PTPRG: variants seen among roughly 807,000 people sequenced by gnomAD.
PTPRG encodes protein tyrosine phosphatase receptor type G.
In PTPRG, 102 loss-of-function variants were observed where a neutral mutation model predicts 165.3. The observed-to-expected ratio is 0.62, with a 90% CI of 0.53 to 0.73. The LOEUF (loss-of-function observed/expected upper bound fraction) is 0.73. PTPRG is among the 30% of genes least tolerant of loss of function. The probability of loss-of-function intolerance (pLI) is 0.00; values close to 1 mark genes in which losing one functional copy is unlikely to be tolerated. For missense variants in PTPRG, 1,866 were observed against 1,861.4 expected (o/e 1.00, Z -0.05); for synonymous variants, 675 against 669.5 (o/e 1.01, Z -0.13).
chr3:62,076,398 A>T lies in PTPRG; in HGVS notation c.520-1765A>T, dbSNP rs1236055004. On this transcript the variant is annotated intron_variant, in intron 4 of 29. Transcript: ENST00000474889. The stretch of plus-strand genomic sequence containing the variant: ...CACTACGTTAACTTATTTGAGCCTC[A>T]CAATTAGCCCAGTAAGTGGAAATAC... Among the ~76,000 whole-genome samples, 3 of 152,208 alleles carry T rather than the reference A, an allele frequency of 2.0e-5. No homozygotes were observed. The East Asian group carries it at 5.8e-4, about 29-fold the overall frequency.
intron 4 of PTPRG, among the ~76,000 whole-genome samples, chr3:62,069,075 T>C (rs888835741): frequency 8.5e-5 from 13 of 152,230 alleles, no homozygotes; most frequent in African/African-American, 3.1e-4. Context: ...TCTTGGGATG[T>C]TGGCTAGCCT....
chr3:61,820,784 C>A (rs2035931411), intron 2 of PTPRG, among the ~76,000 whole-genome samples: 1 of 151,774 alleles, frequency 6.6e-6, no homozygotes, highest in Admixed American at 6.6e-5. Flanking sequence ...TTCAGGGGTT[C>A]CTGTTTTGCA....
intron 3 of PTPRG, among the ~76,000 whole-genome samples, chr3:61,993,608 G>T (rs2040951030): frequency 2.0e-5 from 3 of 152,134 alleles, no homozygotes. Flanking sequence ...AACTGCATGT[G>T]AATCTGCTAT....
intron 1 of PTPRG, chr3:61,742,581 G>A (rs537538996): frequency 3.8e-6 from 6 of 1,592,686 alleles, no homozygotes; most frequent in African/African-American, 2.7e-5. Context: ...CAAGCTCATC[G>A]GCTGTCATCT....
chr3:61,663,179 T>G (rs1238629188), intron 1 of PTPRG, among the ~76,000 whole-genome samples: 1 of 151,896 alleles, frequency 6.6e-6, no homozygotes, highest in Non-Finnish European at 1.5e-5. Context: ...AAAATAAAAT[T>G]AAAAATAAAA....
chr3:62,084,204 G>T (rs991876760), intron 5 of PTPRG, among the ~76,000 whole-genome samples: 3 of 152,124 alleles, frequency 2.0e-5, no homozygotes, highest in Admixed American at 1.3e-4. Context: ...TAGTCAATAG[G>T]TATATTTCTG....
At chr3:62,256,052 T>C (rs1701528471) in intron 16 of PTPRG, among the ~76,000 whole-genome samples, 1 of 152,200 alleles carries the variant, frequency 6.6e-6, no homozygotes, top group Non-Finnish European at 1.5e-5. Flanking sequence ...CAAGTTTTCA[T>C]GGCAGCTCAG....
At chr3:61,998,476 A>T (rs938193274) in intron 3 of PTPRG, among the ~76,000 whole-genome samples, 1 of 152,210 alleles carries the variant, frequency 6.6e-6, no homozygotes, top group Non-Finnish European at 1.5e-5. Flanking sequence ...ATCTTATTCC[A>T]ATTTTACAGA....
intron 5 of PTPRG, among the ~76,000 whole-genome samples, chr3:62,081,050 G>T (rs1701554556): frequency 6.6e-6 from 1 of 151,910 alleles, no homozygotes; most frequent in African/African-American, 2.4e-5. Context: ...TAGTTCAGGA[G>T]ATCGAGACCA....
At chr3:61,887,170 A>ATATATATTTTTTTT (rs60282456) in intron 2 of PTPRG, among the ~76,000 whole-genome samples, 6 of 115,524 alleles carry the variant, frequency 5.2e-5, no homozygotes, top group African/African-American at 2.0e-4. Flanking sequence ...ATATATATAT[A>ATATATATTTTTTTT]TTTTTAATGC....
rs151010909 is a variant in PTPRG at position 62,072,496 on chromosome 3, G to A, written c.520-5667G>A. 5.9e-4 allele frequency among the ~76,000 whole-genome samples: 90 copies of A among 152,204 alleles called. 1 individual carries two copies. The highest frequency in any genetic ancestry group is 1.8e-3 in the African/African-American group (76 of 41,534). ...ATTTGGGCTAATGACTCTCACTTAC[G>A]ACTTTGAAAAATTTGGCAGAACTGG... On this transcript the variant is annotated intron_variant, in intron 4 of 29. Transcript: ENST00000474889.
chr3:61,924,718 C>A (rs2039163620), intron 2 of PTPRG, among the ~76,000 whole-genome samples: 1 of 152,150 alleles, frequency 6.6e-6, no homozygotes, highest in Non-Finnish European at 1.5e-5. Context: ...CTGAAAAGGG[C>A]CAGATAGCAA....
At chr3:62,146,630 T>TAAAA (rs879570594) in intron 6 of PTPRG, among the ~76,000 whole-genome samples, 22 of 134,922 alleles carry the variant, frequency 1.6e-4, no homozygotes, top group African/African-American at 5.2e-4. Context: ...CCTGTTGCTT[T>TAAAA]TAAAAAAAAA....
intron 3 of PTPRG, among the ~76,000 whole-genome samples, chr3:62,000,268 G>A (rs947654237): frequency 9.8e-5 from 14 of 142,492 alleles, no homozygotes; most frequent in Non-Finnish European, 1.9e-4. Flanking sequence ...GCAACAGAGC[G>A]AGACTCTGTC....
In PTPRG at chr3:62,269,129, C is replaced by A. The variant is rs1335953469; in HGVS notation, c.2969C>A (p.Thr990Asn). The A allele has an allele frequency of 2.5e-6, 4 of 1,600,348 alleles. No homozygotes were observed. The highest frequency in any genetic ancestry group is 3.4e-6 in the Non-Finnish European group (4 of 1,170,114). Residue 990 changes from threonine to asparagine, a missense_variant, in exon 20 of 30, where the codon ACT (threonine) becomes AAT (asparagine). Thr to Asn is a moderately conservative substitution (Grantham distance 65). This residue lies in a region of PTPRG where 1,452 missense variants were observed against 1,463.0 expected (regional missense o/e 0.99). Transcript: ENST00000474889. ...AGCACAAAAATACATGCCTGCTACA[C>A]TGTTCGTCGTTTTTCAATCAGAAAT... ...LKSTKIHACY[T>N]VRRFSIRNTK... is the part of the protein sequence containing the mutation.
intron 8 of PTPRG, among the ~76,000 whole-genome samples, chr3:62,189,622 G>A (rs1200828989): frequency 2.0e-5 from 3 of 152,106 alleles, no homozygotes; most frequent in Non-Finnish European, 4.4e-5. Flanking sequence ...CCTCCTAACT[G>A]TAAGCTCTAG....
intron 5 of PTPRG, chr3:62,124,488 C>G: frequency 6.2e-7 from 1 of 1,607,852 alleles, no homozygotes; most frequent in South Asian, 1.1e-5. Context: ...GAGTAGCAGT[C>G]ATTCATGTTT....
intron 2 of PTPRG, among the ~76,000 whole-genome samples, chr3:61,816,973 CTTATATATATA>C (rs965089063): frequency 1.4e-4 from 19 of 132,158 alleles, no homozygotes; most frequent in Admixed American, 5.2e-4. Context: ...TCAGTAATCA[CTTATATATATA>C]TTATATATAT....
chr3:61,989,219 A>G (rs1168200396), intron 2 of PTPRG, among the ~76,000 whole-genome samples: 1 of 152,136 alleles, frequency 6.6e-6, no homozygotes, highest in African/African-American at 2.4e-5. Flanking sequence ...TTTATGGGCT[A>G]AGAAGAAAGT....
Sources: allele counts gnomAD v4.1 joint callset (sites outside exome capture counted in the v4.1 genomes callset), GRCh38; gene constraint gnomAD v4.1.1; regional missense constraint gnomAD v4.1.1; transcripts MANE v1.5; gene names NCBI Gene and HGNC (gene_info 2026-07-23, HGNC 2026-07-21).